The following DNER variants were observed in gnomAD, a reference collection of about 807,000 sequenced individuals.
The protein encoded by DNER is delta/notch like EGF repeat containing.
A neutral mutation model predicts 78.2 loss-of-function variants in DNER; 33 were observed. The ratio of observed to expected loss-of-function variants is 0.42; its 90% confidence interval spans 0.32 to 0.56. The LOEUF is 0.56. Among genes scored for constraint, DNER ranks in the 20% least tolerant of loss-of-function variants. The pLI, the probability that DNER is intolerant of heterozygous loss-of-function variation, is 0.11. For missense variants in DNER, 918 were observed against 975.3 expected, an observed-to-expected ratio of 0.94 and a Z score of 0.78; for synonymous variants, 417 against 384.8, an observed-to-expected ratio of 1.08 and a Z score of -0.98.
At chr2:229,704,945 C>G (rs1336375258) in intron 1 of DNER, among the ~76,000 whole-genome samples, 1 of 152,212 alleles carries the variant, frequency 6.6e-6, no homozygotes, top group Non-Finnish European at 1.5e-5. Context: ...TAATATACCT[C>G]GGACATATTT....
At chr2:229,509,672 G>A (rs1695824026) in intron 6 of DNER, among the ~76,000 whole-genome samples, 1 of 152,122 alleles carries the variant, frequency 6.6e-6, no homozygotes, top group African/African-American at 2.4e-5. Context: ...AAATTACCCG[G>A]GCATGGTAGT....
chr2:229,391,247 A>T (rs1276260954), intron 10 of DNER, among the ~76,000 whole-genome samples: 1 of 152,218 alleles, frequency 6.6e-6, no homozygotes, highest in Non-Finnish European at 1.5e-5. Context: ...ACACCACAAC[A>T]TTCCATTCTC....
intron 1 of DNER, among the ~76,000 whole-genome samples, chr2:229,697,963 G>A (rs1484207910): frequency 6.6e-6 from 1 of 152,174 alleles, no homozygotes; most frequent in Admixed American, 6.5e-5. Context: ...GCCAAGGCAG[G>A]GGGACTGCTT....
rs754893950 is a variant in DNER, at chr2:229,407,239, C to G, written c.1716G>C (p.Gly572=). Residue 572 remains glycine, a synonymous_variant, in exon 10 of 13, where the codon GGG becomes GGC. Coordinates refer to ENST00000341772, the MANE Select transcript of DNER (RefSeq NM_139072.4). The part of the protein sequence containing the change: ...GLNGTCICAP[G]FTGEECDIDI... ...GTCCCTGGAATCACTTGCCTGTAAACCCGGGTGCACAGATGCACGTGCCAT... is the reference window on the plus strand; with the variant it reads ...GTCCCTGGAATCACTTGCCTGTAAAGCCGGGTGCACAGATGCACGTGCCAT... 6.2e-7 allele frequency: 1 copy of G among 1,608,208 alleles called. No individual in the cohort carries two copies. The highest frequency in any genetic ancestry group is 1.1e-5 in the South Asian group (1 of 90,866).
intron 12 of DNER, among the ~76,000 whole-genome samples, chr2:229,365,518 C>T (rs7602905): frequency 0.39 from 58,650 of 151,838 alleles, 12,156 homozygotes; most frequent in Non-Finnish European, 0.45. Flanking sequence ...CTTACTGCAA[C>T]CTCCGATTCC....
At chr2:229,637,373 T>G (rs1698547105) in intron 1 of DNER, among the ~76,000 whole-genome samples, 2 of 152,264 alleles carry the variant, frequency 1.3e-5, no homozygotes, top group South Asian at 2.1e-4. Flanking sequence ...CATAGTGGTG[T>G]GCTGAAGTTG....
In DNER at chr2:229,523,639, T is replaced by C. The variant is rs181022446; in HGVS notation, c.994-10703A>G. Reference sequence around the variant, plus strand: ...CAGGTTATGACTTCAACATACAAATTTGGGGGGCAGGAGGACAGAATTCAA... The same window carrying C: ...CAGGTTATGACTTCAACATACAAATCTGGGGGGCAGGAGGACAGAATTCAA... On this transcript the variant is annotated intron_variant, in intron 5 of 12. Transcript: ENST00000341772. Among the ~76,000 whole-genome samples the C allele has an allele frequency of 3.1e-4, 47 of 152,334 alleles. 1 individual carries two copies. The East Asian group carries it at 8.9e-3, about 29-fold the overall frequency.
chr2:229,384,649 T>G (rs1489515376), intron 11 of DNER, among the ~76,000 whole-genome samples: 2 of 152,110 alleles, frequency 1.3e-5, no homozygotes, highest in Non-Finnish European at 2.9e-5. Flanking sequence ...GCAAATAAAC[T>G]AGAAAATCTA....
chr2:229,485,023 T>C (rs1368173343), intron 6 of DNER, among the ~76,000 whole-genome samples: 1 of 152,210 alleles, frequency 6.6e-6, no homozygotes, highest in Admixed American at 6.5e-5. Context: ...GAATTTATAA[T>C]TGGGATATTC....
At chr2:229,521,042 C>T (rs1048393122) in intron 5 of DNER, among the ~76,000 whole-genome samples, 3 of 152,216 alleles carry the variant, frequency 2.0e-5, no homozygotes, top group African/African-American at 7.2e-5. Context: ...CCAGCCTTGG[C>T]GGAAGCAGAG....
chr2:229,478,677 C>T (rs1455109825), intron 6 of DNER, among the ~76,000 whole-genome samples: 2 of 152,104 alleles, frequency 1.3e-5, no homozygotes, highest in South Asian at 2.1e-4. Context: ...CCAAAACTTA[C>T]AAAAATCACT....
At position 229,591,380 on chromosome 2, in the gene DNER, T is replaced by C. The variant is rs1179311675; in HGVS notation, c.585+200A>G. ...GATACCATTCCAAAAAATAATTTGATTCATTTTTTTGTTTACTCTTTTTAT... is the reference window on the plus strand; with the variant it reads ...GATACCATTCCAAAAAATAATTTGACTCATTTTTTTGTTTACTCTTTTTAT... On this transcript the variant is annotated intron_variant, in intron 2 of 12. Coordinates refer to ENST00000341772, the MANE Select transcript of DNER (RefSeq NM_139072.4). The surrounding 1 kb of genome is among the most constrained non-coding windows in gnomAD (Gnocchi z 4.6). 1.3e-5 allele frequency among the ~76,000 whole-genome samples: 2 copies of C among 152,258 alleles called. No individual in the cohort carries two copies. Among genetic ancestry groups the C allele is most frequent in the Non-Finnish European group, 2.9e-5 (2 of 68,042 alleles).
intron 1 of DNER, among the ~76,000 whole-genome samples, chr2:229,707,651 G>A (rs1004989945): frequency 2.6e-5 from 4 of 152,204 alleles, no homozygotes; most frequent in African/African-American, 9.7e-5. Flanking sequence ...GCAACTGGGG[G>A]AGAAGAGAGC....
intron 1 of DNER, among the ~76,000 whole-genome samples, chr2:229,708,046 A>G (rs1482187143): frequency 6.6e-6 from 1 of 152,088 alleles, no homozygotes; most frequent in Non-Finnish European, 1.5e-5. Context: ...CCCAGGCCTG[A>G]CTCCCACATT....
chr2:229,536,948 A>T (rs2154212963), intron 5 of DNER, among the ~76,000 whole-genome samples: 1 of 152,026 alleles, frequency 6.6e-6, no homozygotes, highest in African/African-American at 2.4e-5. Context: ...AAACCCAGGG[A>T]GTTTTGTGCC....
At chr2:229,700,704 G>T (rs1699731993) in intron 1 of DNER, among the ~76,000 whole-genome samples, 1 of 151,688 alleles carries the variant, frequency 6.6e-6, no homozygotes, top group Non-Finnish European at 1.5e-5. Flanking sequence ...CATGAGGTCA[G>T]GAGATCGAGA....
intron 8 of DNER, among the ~76,000 whole-genome samples, chr2:229,429,374 G>A (rs2106354265): frequency 6.6e-6 from 1 of 152,232 alleles, no homozygotes. Context: ...GGCCATTCAT[G>A]GGCACTTGTG....
intron 4 of DNER, among the ~76,000 whole-genome samples, chr2:229,569,396 C>T (rs2154213969): frequency 6.6e-6 from 1 of 152,280 alleles, no homozygotes; most frequent in African/African-American, 2.4e-5. Flanking sequence ...ATGGCTCACG[C>T]CTGTAGTCCC....
intron 7 of DNER, among the ~76,000 whole-genome samples, chr2:229,452,346 G>A (rs148024867): frequency 3.5e-4 from 53 of 152,244 alleles, no homozygotes; most frequent in African/African-American, 1.2e-3. Context: ...TGGAAGAGAC[G>A]ACAGAGCCCA....
Sources: allele counts gnomAD v4.1 joint callset (sites outside exome capture counted in the v4.1 genomes callset), GRCh38; gene constraint gnomAD v4.1.1; non-coding constraint Gnocchi (gnomAD v3.1); transcripts MANE v1.5; gene names NCBI Gene and HGNC (gene_info 2026-07-23, HGNC 2026-07-21).